The following ADCY1 variants were observed in gnomAD, a reference collection of about 807,000 sequenced individuals.
The protein encoded by ADCY1 is adenylate cyclase 1, also known as adenylate cyclase type 1.
In ADCY1, 28 loss-of-function variants were observed where a neutral mutation model predicts 105.4. The observed-to-expected ratio is 0.27, with a 90% confidence interval of 0.20 to 0.36. The LOEUF is 0.36. ADCY1 is among the 10% of genes least tolerant of loss of function. The probability of loss-of-function intolerance (pLI) is 1.00; values close to 1 mark genes in which losing one functional copy is unlikely to be tolerated. For missense variants in ADCY1, 977 were observed against 1,434.2 expected (o/e 0.68, Z 5.15); for synonymous variants, 655 against 623.8 (o/e 1.05, Z -0.75).
intron 3 of ADCY1, among the ~76,000 whole-genome samples, chr7:45,611,896 AG>A (rs1793603028): frequency 6.6e-6 from 1 of 152,124 alleles, no homozygotes; most frequent in African/African-American, 2.4e-5. Context: ...TGGCCTCTGA[AG>A]ACACAAAAGG....
chr7:45,721,918 G>T lies in ADCY1; in HGVS notation c.*7923G>T. Reference sequence around the variant, plus strand: ...TTTAAACAGACATAATAGCCTAGATGAACTCCCAAGAGATCTATTAAATCT... The same window carrying T: ...TTTAAACAGACATAATAGCCTAGATTAACTCCCAAGAGATCTATTAAATCT... On this transcript the variant is annotated 3_prime_UTR_variant, in exon 20 of 20. Transcript: ENST00000297323. The T allele has an allele frequency of 2.5e-6, 1 of 398,424 alleles. No individual in the cohort carries two copies. Among genetic ancestry groups the T allele is most frequent in the South Asian group, 1.3e-4 (1 of 7,642 alleles). The allele number at this position is 398,424 out of a possible 1,614,324, so 24.7% of individuals were successfully genotyped here.
chr7:45,577,612 C>T (rs991060255), intron 1 of ADCY1, among the ~76,000 whole-genome samples: 2 of 152,226 alleles, frequency 1.3e-5, no homozygotes, highest in African/African-American at 4.8e-5. Flanking sequence ...ACCTTGTCCT[C>T]CATACTGAGT....
chr7:45,593,050 G>A, intron 2 of ADCY1, 142 bp downstream of exon 2: 3 of 1,236,652 alleles, frequency 2.4e-6, no homozygotes, highest in South Asian at 3.1e-5. Context: ...TTGAGGCTGT[G>A]GAGGAGATGC....
chr7:45,615,623 A>G (rs1444700445), intron 3 of ADCY1, among the ~76,000 whole-genome samples: 2 of 152,170 alleles, frequency 1.3e-5, no homozygotes, highest in African/African-American at 2.4e-5. Context: ...ACAAACAAAC[A>G]AAAAAACCTG....
chr7:45,590,530 A>G (rs1792882024), intron 1 of ADCY1, among the ~76,000 whole-genome samples: 1 of 151,928 alleles, frequency 6.6e-6, no homozygotes. Context: ...CCAGACATCC[A>G]TGGTGTTTGG....
chr7:45,658,282 C>G (rs904123756), intron 6 of ADCY1, among the ~76,000 whole-genome samples: 2 of 151,082 alleles, frequency 1.3e-5, no homozygotes, highest in African/African-American at 4.9e-5. Flanking sequence ...GACTTTAGAG[C>G]TCCTTCTCCA....
In ADCY1 at chr7:45,574,815, C is replaced by G; in HGVS notation, c.272C>G (p.Ala91Gly). ...LGAPGPAPGL[A>G]KGSHPVHCVL... is the part of the protein sequence containing the mutation. ...GCGCCGGGGCCCGCGCCCGGCCTGG[C>G]CAAGGGCTCACACCCGGTGCACTGC... Residue 91 changes from alanine (A) to glycine (G), a missense_variant, in exon 1 of 20, where the codon GCC (alanine) becomes GGC (glycine). Coordinates refer to ENST00000297323, the MANE Select transcript of ADCY1 (RefSeq NM_021116.4). This position sits in a 1 kb window ranked among gnomAD's most constrained non-coding sequence, Gnocchi z 7.0. 1 of 1,606,608 alleles carries G rather than the reference C, an allele frequency of 6.2e-7. No homozygotes were observed. The highest frequency in any genetic ancestry group is 8.5e-7 in the Non-Finnish European group (1 of 1,178,518).
At chr7:45,634,929 A>G (rs890084722) in intron 4 of ADCY1, among the ~76,000 whole-genome samples, 1 of 152,172 alleles carries the variant, frequency 6.6e-6, no homozygotes, top group Non-Finnish European at 1.5e-5. Flanking sequence ...TATTCTGTAC[A>G]TGGTGTCAAG....
At chr7:45,662,002 G>C in intron 7 of ADCY1, 57 bp from the exon 8 acceptor site, 1 of 1,570,832 alleles carries the variant, frequency 6.4e-7, no homozygotes, top group Non-Finnish European at 8.7e-7. Context: ...CCCAGTCCGA[G>C]AGGCACAATG....
At chr7:45,649,349 A>G (rs1236321374) in intron 5 of ADCY1, among the ~76,000 whole-genome samples, 2 of 152,296 alleles carry the variant, frequency 1.3e-5, no homozygotes, top group South Asian at 4.1e-4. Flanking sequence ...AGAGACTGGG[A>G]TGAAGACACA....
intron 14 of ADCY1, among the ~76,000 whole-genome samples, chr7:45,701,520 G>C (rs942860605): frequency 6.6e-6 from 1 of 152,180 alleles, no homozygotes; most frequent in African/African-American, 2.4e-5. Context: ...ATTTTGGAGA[G>C]AGCAGTAATT....
At chr7:45,699,829 T>C (rs1784962489) in intron 14 of ADCY1, among the ~76,000 whole-genome samples, 1 of 152,174 alleles carries the variant, frequency 6.6e-6, no homozygotes, top group African/African-American at 2.4e-5. Context: ...TCTCACTACA[T>C]GTCTGATGCA....
chr7:45,579,941 C>T (rs1213286325), intron 1 of ADCY1, among the ~76,000 whole-genome samples: 1 of 145,844 alleles, frequency 6.9e-6, no homozygotes, highest in African/African-American at 2.5e-5. Flanking sequence ...TGGAAACTGC[C>T]CCGTCCCCCC....
chr7:45,594,183 C>A (rs1793008902), intron 2 of ADCY1, among the ~76,000 whole-genome samples: 1 of 151,910 alleles, frequency 6.6e-6, no homozygotes, highest in Admixed American at 6.6e-5. Flanking sequence ...GTGTGTATGT[C>A]TGTGATATGC....
At chr7:45,618,065 A>G (rs1490535305) in intron 3 of ADCY1, among the ~76,000 whole-genome samples, 1 of 152,216 alleles carries the variant, frequency 6.6e-6, no homozygotes, top group Non-Finnish European at 1.5e-5. Context: ...GAGAACCCAG[A>G]AGTAAATCCA....
At chr7:45,705,304 A>G (rs1039302496) in intron 17 of ADCY1, among the ~76,000 whole-genome samples, 145 of 152,352 alleles carry the variant, frequency 9.5e-4, no homozygotes, top group African/African-American at 3.4e-3. Context: ...TCTCATTAAT[A>G]TAGATGTATA....
rs753102654 is a variant in ADCY1 at position 45,708,454 on chromosome 7, C to T, written c.2922C>T (p.Val974=). Residue 974 remains valine (V), a synonymous_variant, in exon 18 of 20, where the codon GTC becomes GTT. Transcript: ENST00000297323. The surrounding 1 kb of genome is among the most constrained non-coding windows in gnomAD (Gnocchi z 4.7). ...EINYQSYNDF[V]LRVGINVGPV... Reference sequence around the variant, plus strand: ...ACTACCAGTCTTACAACGACTTTGTCCTCCGAGTTGGTATGTGGCTCTAAA... The same window carrying T: ...ACTACCAGTCTTACAACGACTTTGTTCTCCGAGTTGGTATGTGGCTCTAAA... 6.2e-7 allele frequency: 1 copy of T among 1,613,138 alleles called. No individual in the cohort carries two copies. Among genetic ancestry groups the T allele is most frequent in the East Asian group, 2.2e-5 (1 of 44,868 alleles).
At position 45,657,895 on chromosome 7, in the gene ADCY1, G is replaced by T; in HGVS notation, c.1307+10G>T. On this transcript the variant is annotated intron_variant, in intron 6 of 19. Coordinates refer to ENST00000297323, the MANE Select transcript of ADCY1 (RefSeq NM_021116.4). ...CCGCTGGCCTGCCAGGGTAAGTCGG[G>T]GATGGGGTGGGGAGGGGAGGGAGGT... 6.9e-7 allele frequency: 1 copy of T among 1,448,886 alleles called. No individual in the cohort carries two copies. Among genetic ancestry groups the T allele is most frequent in the South Asian group, 1.2e-5 (1 of 86,662 alleles). The allele number at this position is 1,448,886 out of a possible 1,614,324, so 89.8% of individuals were successfully genotyped here.
intron 17 of ADCY1, among the ~76,000 whole-genome samples, chr7:45,706,486 C>A (rs1785120695): frequency 7.5e-5 from 5 of 67,076 alleles, no homozygotes; most frequent in Non-Finnish European, 7.8e-5. Flanking sequence ...AACTGGACAT[C>A]ACATGCAAAA....
Sources: gnomAD v4.1 joint callset for allele counts (sites outside exome capture counted in the v4.1 genomes callset) on GRCh38, gnomAD v4.1.1 for gene constraint, Gnocchi (gnomAD v3.1) non-coding constraint, MANE v1.5 for transcripts, NCBI Gene and HGNC (gene_info 2026-07-23, HGNC 2026-07-21) for gene names.